ZDHHC14: variants seen among roughly 807,000 people sequenced by gnomAD.
ZDHHC14 encodes the protein zDHHC palmitoyltransferase 14.
A neutral mutation model predicts 47.7 loss-of-function variants in ZDHHC14; 16 were observed. That is an observed-to-expected ratio of 0.34 (90% CI 0.23 to 0.51). The LOEUF (loss-of-function observed/expected upper bound fraction) is 0.51, where lower values mean the gene tolerates loss of function less well. Among genes scored for constraint, ZDHHC14 ranks in the 20% least tolerant of loss-of-function variants. The pLI, the probability that ZDHHC14 is intolerant of heterozygous loss-of-function variation, is 0.97. For missense variants in ZDHHC14, 515 were observed against 662.5 expected (o/e 0.78, Z 2.44); for synonymous variants, 293 against 278.9 (o/e 1.05, Z -0.50).
intron 1 of ZDHHC14, among the ~76,000 whole-genome samples, chr6:157,453,134 T>G (rs1199074422): frequency 6.6e-6 from 1 of 152,122 alleles, no homozygotes; most frequent in African/African-American, 2.4e-5. Flanking sequence ...CTGGGTTTAC[T>G]TAGGATAACC....
At chr6:157,405,293 C>T (rs992970323) in intron 1 of ZDHHC14, among the ~76,000 whole-genome samples, 33 of 152,094 alleles carry the variant, frequency 2.2e-4, no homozygotes, top group African/African-American at 5.8e-4. Context: ...AATGCAGTGG[C>T]GCGATCTCGG....
intron 3 of ZDHHC14, among the ~76,000 whole-genome samples, chr6:157,608,116 A>G (rs1350053300): frequency 2.6e-5 from 4 of 152,194 alleles, no homozygotes; most frequent in Non-Finnish European, 4.4e-5. Context: ...ACCTTTGCTC[A>G]TGCTGACACT....
intron 1 of ZDHHC14, among the ~76,000 whole-genome samples, chr6:157,399,681 GC>G (rs1240520294): frequency 6.6e-6 from 1 of 152,232 alleles, no homozygotes; most frequent in Non-Finnish European, 1.5e-5. Context: ...GTTGACCCCG[GC>G]AAGGGCTCTC....
intron 1 of ZDHHC14, among the ~76,000 whole-genome samples, chr6:157,431,289 C>T (rs554851752): frequency 1.3e-5 from 2 of 152,340 alleles, no homozygotes; most frequent in East Asian, 3.9e-4. Flanking sequence ...GGGCCAGATT[C>T]AAGCCCTAAA....
Position 157,440,163 on chromosome 6 carries a change from T to TAAG in ZDHHC14, c.245+57899_245+57900insGAA, listed in dbSNP as rs1288836286. Reference sequence around the variant, plus strand: ...ATCCTGCACAGGTACCCTGGAACTTTAATAATAATAATAATAATAATAATA... The same window carrying TAAG: ...ATCCTGCACAGGTACCCTGGAACTTTAAGAATAATAATAATAATAATAATAATA... On this transcript the variant is annotated intron_variant, in intron 1 of 8. Coordinates refer to ENST00000359775, the MANE Select transcript of ZDHHC14 (RefSeq NM_024630.3). Among the ~76,000 whole-genome samples the TAAG allele has an allele frequency of 2.0e-4, 11 of 53,722 alleles. No individual in the cohort carries two copies. The South Asian group carries it at 6.9e-3, about 34-fold the overall frequency. 35.2% of individuals were successfully genotyped at this position (53,722 alleles called of 152,430 possible). A position where few individuals can be genotyped will look rare whatever the true frequency, so the allele number is the denominator to read the frequency against.
At position 157,406,726 on chromosome 6, in the gene ZDHHC14, T is replaced by G. The variant is rs942036477; in HGVS notation, c.245+24460T>G. ...ACTAAGGATCTAATTCCATGAGGTC[T>G]ACAGTGTAAATGGTGCCGTTACTTG... On this transcript the variant is annotated intron_variant, in intron 1 of 8. Coordinates refer to ENST00000359775, the MANE Select transcript of ZDHHC14 (RefSeq NM_024630.3). 3.6e-4 allele frequency among the ~76,000 whole-genome samples: 55 copies of G among 152,278 alleles called. 1 individual carries two copies. Among genetic ancestry groups the G allele is most frequent in the Non-Finnish European group, 1.8e-4 (12 of 68,052 alleles).
At position 157,664,127 on chromosome 6, in the gene ZDHHC14, A is replaced by C. The variant is rs80116830; in HGVS notation, c.1069-8597A>C. Among the ~76,000 whole-genome samples, 2,957 of 152,298 alleles carry C rather than the reference A, an allele frequency of 0.019. 185 individuals are homozygous for C. In the East Asian group the frequency reaches 0.23, roughly 12 times the overall value. ...TCCCCTGTGAAAATCTGCCCAGAGG[A>C]TAGGTCCCTGAGGCTCTGTGCTTTT... is the stretch of plus-strand genomic sequence containing the variant. On this transcript the variant is annotated intron_variant, in intron 8 of 8. Transcript: ENST00000359775.
At chr6:157,596,512 T>C (rs1463911643) in intron 3 of ZDHHC14, among the ~76,000 whole-genome samples, 2 of 152,180 alleles carry the variant, frequency 1.3e-5, no homozygotes, top group Admixed American at 6.5e-5. Flanking sequence ...TTGAAAGTCA[T>C]AGGGGCCTTT....
At chr6:157,460,324 A>G (rs1223716246) in intron 1 of ZDHHC14, among the ~76,000 whole-genome samples, 2 of 142,622 alleles carry the variant, frequency 1.4e-5, no homozygotes, top group East Asian at 2.3e-4. Flanking sequence ...GCTTGAGCCC[A>G]TGAAGTTGAG....
intron 1 of ZDHHC14, among the ~76,000 whole-genome samples, chr6:157,484,318 C>CATATATAT (rs749902623): frequency 1.5e-5 from 2 of 133,596 alleles, no homozygotes; most frequent in African/African-American, 5.7e-5. Flanking sequence ...TATATATACA[C>CATATATAT]ATATATATAC....
chr6:157,546,680 T>C (rs1781983554), intron 2 of ZDHHC14, among the ~76,000 whole-genome samples: 1 of 152,316 alleles, frequency 6.6e-6, no homozygotes, highest in South Asian at 2.1e-4. Context: ...ACTCAGTTTT[T>C]ACAGTTCACC....
intron 3 of ZDHHC14, among the ~76,000 whole-genome samples, chr6:157,613,993 T>C (rs1784853271): frequency 6.6e-6 from 1 of 152,214 alleles, no homozygotes; most frequent in African/African-American, 2.4e-5. Context: ...CTCCCTGATA[T>C]TATATCCTTC....
chr6:157,569,062 G>A (rs372295616), intron 2 of ZDHHC14, among the ~76,000 whole-genome samples: 2 of 151,272 alleles, frequency 1.3e-5, no homozygotes, highest in East Asian at 1.9e-4. Context: ...TTGACATACA[G>A]GTCTTTTATT....
At chr6:157,476,737 A>G (rs1779494369) in intron 1 of ZDHHC14, among the ~76,000 whole-genome samples, 1 of 152,252 alleles carries the variant, frequency 6.6e-6, no homozygotes. Flanking sequence ...CCTGGGATCC[A>G]AGGATGGTTC....
At chr6:157,448,694 A>G (rs9347264) in intron 1 of ZDHHC14, among the ~76,000 whole-genome samples, 14,371 of 152,256 alleles carry the variant, frequency 0.094, 1,032 homozygotes, top group East Asian at 0.32. Context: ...CTCCTGCCTC[A>G]GCCTCCTGAG....
chr6:157,639,070 GC>G (rs1005988877), intron 5 of ZDHHC14, among the ~76,000 whole-genome samples: 3 of 152,250 alleles, frequency 2.0e-5, no homozygotes, highest in African/African-American at 7.2e-5. Context: ...AGGAGGCAGG[GC>G]TCCCCATCAA....
intron 1 of ZDHHC14, among the ~76,000 whole-genome samples, chr6:157,482,745 ATTT>A (rs201329274): frequency 7.4e-6 from 1 of 135,556 alleles, no homozygotes; most frequent in Non-Finnish European, 1.6e-5. Context: ...TGTCAAAATC[ATTT>A]TTTTTTTTTT....
intron 8 of ZDHHC14, among the ~76,000 whole-genome samples, chr6:157,659,097 C>T (rs1279234165): frequency 6.6e-6 from 1 of 152,078 alleles, no homozygotes; most frequent in Non-Finnish European, 1.5e-5. Context: ...TTACCGTTTT[C>T]TCATCTGTCA....
At position 157,632,858 on chromosome 6, in the gene ZDHHC14, A is replaced by G. The variant is rs1457254494; in HGVS notation, c.728A>G (p.Asn243Ser). 6.2e-7 allele frequency: 1 copy of G among 1,614,216 alleles called. No homozygotes were observed. Among genetic ancestry groups the G allele is most frequent in the Non-Finnish European group, 8.5e-7 (1 of 1,180,036 alleles). ...GGTTCACAGCAAACAGGATTCCTAA[A>G]TGCCCTTAAGGACAGTCCTGCAAGA... The part of the protein sequence containing the change: ...ILRSQQTGFL[N>S]ALKDSPASVL... Residue 243 changes from asparagine to serine, a missense_variant, in exon 5 of 9, where the codon AAT (asparagine) becomes AGT (serine). Around this residue, in one of 4 missense-constraint regions of ZDHHC14, gnomAD observed 229 missense variants for 351.5 expected, o/e 0.65. Coordinates refer to ENST00000359775, the MANE Select transcript of ZDHHC14 (RefSeq NM_024630.3).
Sources: allele counts gnomAD v4.1 joint callset (sites outside exome capture counted in the v4.1 genomes callset), GRCh38; gene constraint gnomAD v4.1.1; regional missense constraint gnomAD v4.1.1; transcripts MANE v1.5; gene names NCBI Gene and HGNC (gene_info 2026-07-23, HGNC 2026-07-21).